Variants in TMEM164 observed in about 807,000 individuals in gnomAD.
TMEM164 encodes the protein RP13-360B22.2.
A neutral mutation model predicts 18.8 loss-of-function variants in TMEM164; 4 were observed. That is an observed-to-expected ratio of 0.21 (90% CI 0.10 to 0.49). TMEM164 has a LOEUF of 0.49. Ranked by LOEUF, TMEM164 falls within the 20% of genes least tolerant of loss-of-function variation. The pLI, the probability that TMEM164 is intolerant of heterozygous loss-of-function variation, is 0.98. For missense variants in TMEM164, 108 were observed against 239.9 expected (o/e 0.45, Z 3.63); for synonymous variants, 86 against 101.7 (o/e 0.85, Z 0.93).
chrX:110,017,867 C>A (rs1270596314), intron 2 of TMEM164, among the ~76,000 whole-genome samples: 1 of 109,975 alleles, frequency 9.1e-6, no homozygotes, highest in Non-Finnish European at 1.9e-5. Context: ...CTGCGCCCGG[C>A]CTGCAGGCCA....
intron 3 of TMEM164, among the ~76,000 whole-genome samples, chrX:110,084,371 A>ATATATATAGTATATATATATAGTATAG (rs2065807273): frequency 1.6e-5 from 1 of 62,194 alleles, no homozygotes; most frequent in African/African-American, 8.0e-5. Flanking sequence ...AGTATAGTAT[A>ATATATATAGTATATATATATAGTATAG]TATATAGTGT....
chrX:110,022,526 G>C (rs923701316), intron 2 of TMEM164, among the ~76,000 whole-genome samples: 1 of 111,411 alleles, frequency 9.0e-6, no homozygotes, highest in Admixed American at 9.5e-5. Flanking sequence ...ATGTGACAAG[G>C]AGCTTTGTTT....
chrX:110,018,353 A>G (rs1227306459), intron 2 of TMEM164, among the ~76,000 whole-genome samples: 1 of 111,919 alleles, frequency 8.9e-6, no homozygotes, highest in East Asian at 2.8e-4. Context: ...TAGGTTCATC[A>G]CTAGCTGGTT....
At chrX:110,169,461 C>T (rs1008252886) in intron 5 of TMEM164, among the ~76,000 whole-genome samples, 4 of 111,424 alleles carry the variant, frequency 3.6e-5, no homozygotes, top group Non-Finnish European at 7.5e-5. Flanking sequence ...TTTTGGGCTC[C>T]TGTAGCAATC....
intron 3 of TMEM164, among the ~76,000 whole-genome samples, chrX:110,100,935 A>T (rs1253395709): frequency 1.8e-5 from 2 of 110,205 alleles, no homozygotes; most frequent in Non-Finnish European, 1.9e-5. Context: ...CTAATATTTT[A>T]CTGAGGATTT....
intron 2 of TMEM164, among the ~76,000 whole-genome samples, chrX:110,031,977 A>G (rs925831900): frequency 9.2e-5 from 10 of 109,060 alleles, no homozygotes; most frequent in African/African-American, 3.0e-4. Context: ...TCTCCTTCTC[A>G]CTCTCTGATC....
rs764553257 is a variant in TMEM164, at chrX:110,173,875, G to A, written c.*424G>A. On this transcript the variant is annotated 3_prime_UTR_variant, in exon 7 of 7. Transcript: ENST00000372068. ...CACTGCCAGGGACCTCCAGGCTTAT[G>A]CTGGCGTCCCATTTAGTCTCCAGCA... is the stretch of plus-strand genomic sequence containing the variant. The A allele has an allele frequency of 1.4e-5, 2 of 145,137 alleles. No homozygotes were observed. The highest frequency in any genetic ancestry group is 7.9e-5 in the Admixed American group (1 of 12,614). The allele number at this position is 145,137 out of a possible 1,213,427, so 12.0% of individuals were successfully genotyped here. A position where few individuals can be genotyped will look rare whatever the true frequency, so the allele number is the denominator to read the frequency against.
chrX:110,072,728 A>T (rs2065613209), intron 3 of TMEM164, among the ~76,000 whole-genome samples: 1 of 109,323 alleles, frequency 9.1e-6, no homozygotes, highest in East Asian at 2.9e-4. Context: ...TATTTTTTCT[A>T]CTTAATTTTC....
At chrX:110,122,326 CA>C (rs984785476) in intron 4 of TMEM164, among the ~76,000 whole-genome samples, 1 of 104,506 alleles carries the variant, frequency 9.6e-6, no homozygotes, top group South Asian at 4.4e-4. Context: ...ATCGCAAGAA[CA>C]AAAAACCAAA....
intron 2 of TMEM164, among the ~76,000 whole-genome samples, chrX:110,005,913 A>G (rs1345140289): frequency 9.0e-6 from 1 of 111,566 alleles, no homozygotes; most frequent in Non-Finnish European, 1.9e-5. Context: ...AAGGTCGACA[A>G]AGGACTAAAT....
intron 4 of TMEM164, among the ~76,000 whole-genome samples, chrX:110,138,143 A>T (rs1042518738): frequency 3.1e-4 from 35 of 111,860 alleles, no homozygotes; most frequent in African/African-American, 1.1e-3. Context: ...TGGGATGGAA[A>T]TTCTGGCTTT....
At chrX:110,108,075 T>TGTGTGTGTGTGTGTGTGC in intron 3 of TMEM164, among the ~76,000 whole-genome samples, 1 of 80,955 alleles carries the variant, frequency 1.2e-5, no homozygotes, top group East Asian at 3.7e-4. Flanking sequence ...ATGCTGTGTG[T>TGTGTGTGTGTGTGTGTGC]GTGTGTGTGT....
At chrX:110,067,490 G>C in intron 3 of TMEM164, 94 bp downstream of exon 3, 1 of 858,144 alleles carries the variant, frequency 1.2e-6, no homozygotes, top group Non-Finnish European at 1.7e-6. Flanking sequence ...AACACCTTGG[G>C]ATTGTACCAT....
chrX:110,143,463 C>A (rs1337056493), intron 4 of TMEM164, among the ~76,000 whole-genome samples: 2 of 111,421 alleles, frequency 1.8e-5, no homozygotes, highest in Non-Finnish European at 3.8e-5. Flanking sequence ...CTCTTACCTC[C>A]TTTTCTCAGT....
At chrX:110,124,184 A>AGGCAGGCAGGC (rs1569339696) in intron 4 of TMEM164, among the ~76,000 whole-genome samples, 1 of 49,056 alleles carries the variant, frequency 2.0e-5, no homozygotes, top group African/African-American at 7.5e-5. Context: ...GGAAGGCAGG[A>AGGCAGGCAGGC]AGGCAGGCAG....
intron 3 of TMEM164, among the ~76,000 whole-genome samples, chrX:110,105,679 GAC>G (rs758900532): frequency 0.076 from 4,974 of 65,206 alleles, 163 homozygotes; most frequent in African/African-American, 0.12. Flanking sequence ...TAGAAACACA[GAC>G]ACACACACAC....
At chrX:110,020,968 TAAAAAAAAAA>T (rs147367236) in intron 2 of TMEM164, among the ~76,000 whole-genome samples, 1 of 43,637 alleles carries the variant, frequency 2.3e-5, no homozygotes, top group Non-Finnish European at 3.8e-5. Flanking sequence ...CCCCTTTTTC[TAAAAAAAAAA>T]AAAAAAAAAA....
chrX:110,127,509 G>A (rs1466587144), intron 4 of TMEM164, among the ~76,000 whole-genome samples: 5 of 111,495 alleles, frequency 4.5e-5, no homozygotes, highest in East Asian at 2.8e-4. Context: ...GCAAAACTCC[G>A]TCTCAAACAA....
chrX:110,178,948 G>C (rs1308675685), downstream of TMEM164, among the ~76,000 whole-genome samples: 2 of 112,180 alleles, frequency 1.8e-5, no homozygotes, highest in Non-Finnish European at 3.8e-5. Context: ...CAGTGTGCTG[G>C]CACTGCTGGG....
Sources: gnomAD v4.1 joint callset for allele counts (sites outside exome capture counted in the v4.1 genomes callset) on GRCh38, gnomAD v4.1.1 for gene constraint, MANE v1.5 for transcripts, NCBI Gene and HGNC (gene_info 2026-07-23, HGNC 2026-07-21) for gene names.